EHMT1: variants seen among roughly 807,000 people sequenced by gnomAD.
The protein encoded by EHMT1 is histone-lysine N-methyltransferase EHMT1.
EHMT1 carries 15 observed loss-of-function variants against 147.2 expected under a neutral mutation model. The observed-to-expected ratio is 0.10, with a 90% CI of 0.07 to 0.16. EHMT1 has a LOEUF of 0.16. Ranked by LOEUF, EHMT1 falls within the 10% of genes least tolerant of loss-of-function variation. The pLI is 1.00. For synonymous variants in EHMT1, 795 were observed against 709.6 expected (o/e 1.12, Z -1.91); for missense variants, 1,587 against 1,772.4 (o/e 0.90, Z 1.88).
Position 137,777,878 on chromosome 9 carries a change from G to C in EHMT1, c.2019-4G>C. The C allele has an allele frequency of 6.2e-7, 1 of 1,612,850 alleles. No homozygotes were observed. The highest frequency in any genetic ancestry group is 8.5e-7 in the Non-Finnish European group (1 of 1,179,994). On this transcript the variant is annotated splice_polypyrimidine_tract_variant and splice_region_variant and intron_variant, in intron 12 of 26. Transcript: ENST00000460843. ...AAACCTTTCCCCGATTTCCTCCCCT[G>C]AAGTGCTGCCGGGCCACCACTCTCG... is the stretch of plus-strand genomic sequence containing the variant.
At chr9:137,739,909 T>C (rs1209581548) in intron 4 of EHMT1, among the ~76,000 whole-genome samples, 1 of 152,118 alleles carries the variant, frequency 6.6e-6, no homozygotes, top group Non-Finnish European at 1.5e-5. Context: ...CAGGGAACAG[T>C]TCTACAGGTG....
At chr9:137,640,913 A>G (rs1003595531) in intron 1 of EHMT1, 1 of 159,058 alleles carries the variant, frequency 6.3e-6, no homozygotes, top group Admixed American at 6.5e-5. Context: ...CTGGGTGAGC[A>G]CAAGAGGGAA....
intron 25 of EHMT1, among the ~76,000 whole-genome samples, chr9:137,827,063 T>A (rs879322040): frequency 1.3e-5 from 2 of 152,314 alleles, no homozygotes; most frequent in Non-Finnish European, 1.5e-5. Flanking sequence ...TTCACACCTG[T>A]TCCATGGCAT....
In EHMT1 at chr9:137,716,999, A is replaced by T; in HGVS notation, c.459A>T (p.Lys153Asn). The T allele has an allele frequency of 1.2e-6, 2 of 1,608,162 alleles. No individual in the cohort carries two copies. Among genetic ancestry groups the T allele is most frequent in the Non-Finnish European group, 1.7e-6 (2 of 1,176,216 alleles). Residue 153 changes from lysine to asparagine, a missense_variant, in exon 3 of 27, where the codon AAA (lysine) becomes AAT (asparagine). Coordinates refer to ENST00000460843, the MANE Select transcript of EHMT1 (RefSeq NM_024757.5). ...LASSLPGHAA[K>N]TLPGGAGKGR... ...CTTCGCTGCCTGGCCATGCTGCAAA[A>T]ACCCTTCCTGGAGGGGCTGGCAAAG...
intron 1 of EHMT1, among the ~76,000 whole-genome samples, chr9:137,623,464 G>A (rs1843063818): frequency 6.6e-6 from 1 of 151,954 alleles, no homozygotes; most frequent in African/African-American, 2.4e-5. Context: ...GCCCAGGCTG[G>A]AGTGCAGTGG....
chr9:137,725,445 C>T (rs1946532773), intron 3 of EHMT1, among the ~76,000 whole-genome samples: 1 of 152,192 alleles, frequency 6.6e-6, no homozygotes, highest in African/African-American at 2.4e-5. Flanking sequence ...AAAGTAAGGG[C>T]ATCCCAGAGG....
chr9:137,645,916 T>C (rs577588883), intron 1 of EHMT1, among the ~76,000 whole-genome samples: 1 of 152,274 alleles, frequency 6.6e-6, no homozygotes, highest in South Asian at 2.1e-4. Flanking sequence ...ATGTTTTGGA[T>C]CTATACTGAG....
chr9:137,791,210 GTGCAGAAGGTGTT>G lies in EHMT1; in HGVS notation c.2505+241_2505+253del, dbSNP rs200014384. On this transcript the variant is annotated intron_variant, in intron 16 of 26. Transcript: ENST00000460843. ...CAGGTGAGCGAATGACGGGTTTGCTGTGCAGAAGGTGTTCGCCTTACAGTACATCGTCTCACCC... is the reference window on the plus strand; with the variant it reads ...CAGGTGAGCGAATGACGGGTTTGCTGCGCCTTACAGTACATCGTCTCACCC... Among the ~76,000 whole-genome samples the G allele has an allele frequency of 3.5e-4, 54 of 152,272 alleles. No individual in the cohort carries two copies. In the East Asian group the frequency reaches 9.5e-3, roughly 27 times the overall value.
At chr9:137,834,014 C>G (rs1445029091) in intron 25 of EHMT1, 1 of 399,220 alleles carries the variant, frequency 2.5e-6, no homozygotes, top group Non-Finnish European at 4.7e-6. Flanking sequence ...TGCCAGACAG[C>G]CCCATGGGTC....
chr9:137,660,576 A>G (rs1314131394), intron 1 of EHMT1, among the ~76,000 whole-genome samples: 1 of 152,220 alleles, frequency 6.6e-6, no homozygotes, highest in African/African-American at 2.4e-5. Flanking sequence ...CTCTAGAATC[A>G]TAAAATTTCA....
At chr9:137,639,352 T>C (rs1208826663) in intron 1 of EHMT1, among the ~76,000 whole-genome samples, 3 of 152,242 alleles carry the variant, frequency 2.0e-5, no homozygotes, top group African/African-American at 7.2e-5. Flanking sequence ...TGGTTGATAG[T>C]ATTAAGTCTT....
In EHMT1 at chr9:137,754,364, G is replaced by A. The variant is rs1050435546; in HGVS notation, c.1369+73G>A. On this transcript the variant is annotated intron_variant, in intron 8 of 26. Coordinates refer to ENST00000460843, the MANE Select transcript of EHMT1 (RefSeq NM_024757.5). ...GATGGTGCCAGGAGGCCCACCTGGGGTTGGGGTGCGTAGGATTTCATTAGA... is the reference window on the plus strand; with the variant it reads ...GATGGTGCCAGGAGGCCCACCTGGGATTGGGGTGCGTAGGATTTCATTAGA... 25 of 1,594,478 alleles carry A rather than the reference G, an allele frequency of 1.6e-5. No homozygotes were observed. The African/African-American group carries it at 3.0e-4, about 19-fold the overall frequency.
intron 10 of EHMT1, among the ~76,000 whole-genome samples, chr9:137,768,358 T>TG (rs1950352727): frequency 6.9e-6 from 1 of 145,438 alleles, no homozygotes; most frequent in Admixed American, 6.8e-5. Flanking sequence ...TTTTTTTTTT[T>TG]TTTTTTTTTT....
chr9:137,669,142 C>T (rs1940093015), intron 1 of EHMT1, among the ~76,000 whole-genome samples: 1 of 152,168 alleles, frequency 6.6e-6, no homozygotes, highest in Non-Finnish European at 1.5e-5. Context: ...CTGCCTAGGC[C>T]TCTCAAAGTG....
intron 8 of EHMT1, among the ~76,000 whole-genome samples, chr9:137,754,575 C>T (rs1242945493): frequency 1.3e-5 from 2 of 151,952 alleles, no homozygotes; most frequent in Non-Finnish European, 2.9e-5. Context: ...CGCAGTGGCA[C>T]GATCTCAGCT....
intron 1 of EHMT1, among the ~76,000 whole-genome samples, chr9:137,675,779 ATTTTTTTT>A (rs781380107): frequency 2.1e-5 from 2 of 95,780 alleles, no homozygotes; most frequent in Non-Finnish European, 4.0e-5. Context: ...CGCCCGGCTA[ATTTTTTTT>A]TTTTTTTTTT....
intron 17 of EHMT1, 119 bp from the exon 18 acceptor site, chr9:137,800,761 G>GA: frequency 1.2e-6 from 1 of 812,084 alleles, no homozygotes; most frequent in East Asian, 2.7e-5. Flanking sequence ...TCCTGAGTGA[G>GA]ACGCCTGCAC....
chr9:137,670,379 C>T (rs959531667), intron 1 of EHMT1, among the ~76,000 whole-genome samples: 1 of 152,140 alleles, frequency 6.6e-6, no homozygotes, highest in Non-Finnish European at 1.5e-5. Flanking sequence ...CTTGGCTAGT[C>T]CCCTCTCCTG....
intron 10 of EHMT1, among the ~76,000 whole-genome samples, chr9:137,771,401 A>T (rs753326016): frequency 4.0e-5 from 6 of 151,870 alleles, no homozygotes; most frequent in African/African-American, 1.4e-4. Flanking sequence ...GAGTTTCCCT[A>T]TGTTGGCCAG....
Sources: gnomAD v4.1 joint callset for allele counts (sites outside exome capture counted in the v4.1 genomes callset) on GRCh38, gnomAD v4.1.1 for gene constraint, MANE v1.5 for transcripts, NCBI Gene and HGNC (gene_info 2026-07-23, HGNC 2026-07-21) for gene names.